Variants in CAMKMT observed in about 807,000 individuals in gnomAD.
CAMKMT encodes calmodulin-lysine N-methyltransferase, also known as CaM KMT.
CAMKMT carries 53 observed loss-of-function variants against 48.0 expected under a neutral mutation model. The ratio of observed to expected loss-of-function variants is 1.10; its 90% CI spans 0.89 to 1.39. CAMKMT has a LOEUF of 1.39. Ranked by LOEUF, CAMKMT falls within the 40% of genes most tolerant of loss-of-function variation. The pLI, the probability that CAMKMT is intolerant of heterozygous loss-of-function variation, is 0.00. For synonymous variants in CAMKMT, 165 were observed against 152.3 expected, an observed-to-expected ratio of 1.08 and a Z score of -0.61; for missense variants, 428 against 402.7, an observed-to-expected ratio of 1.06 and a Z score of -0.54.
At chr2:44,451,957 T>C (rs1388026475) in intron 3 of CAMKMT, among the ~76,000 whole-genome samples, 3 of 151,876 alleles carry the variant, frequency 2.0e-5, no homozygotes, top group Admixed American at 6.6e-5. Flanking sequence ...TTTACTTATC[T>C]AAGCATAACA....
intron 3 of CAMKMT, among the ~76,000 whole-genome samples, chr2:44,512,653 C>T (rs1442107961): frequency 6.6e-6 from 1 of 152,186 alleles, no homozygotes; most frequent in African/African-American, 2.4e-5. Context: ...TATTTCTTCT[C>T]TATTGGAAGG....
intron 3 of CAMKMT, among the ~76,000 whole-genome samples, chr2:44,482,934 A>G (rs1211000504): frequency 2.0e-5 from 3 of 152,152 alleles, no homozygotes; most frequent in African/African-American, 7.2e-5. Flanking sequence ...GGCATGTACA[A>G]TCAGGTTCTG....
intron 10 of CAMKMT, among the ~76,000 whole-genome samples, chr2:44,768,355 A>AT (rs1438888131): frequency 4.2e-5 from 4 of 94,920 alleles, no homozygotes; most frequent in Non-Finnish European, 6.2e-5. Flanking sequence ...ATATATATAT[A>AT]TATATATTTT....
At chr2:44,705,835 T>G (rs1051547540) in intron 4 of CAMKMT, among the ~76,000 whole-genome samples, 1 of 151,318 alleles carries the variant, frequency 6.6e-6, no homozygotes, top group Non-Finnish European at 1.5e-5. Context: ...TTTGTGTGTG[T>G]TGTTTGTATG....
intron 3 of CAMKMT, among the ~76,000 whole-genome samples, chr2:44,515,158 G>A (rs1670773230): frequency 6.6e-6 from 1 of 152,174 alleles, no homozygotes; most frequent in African/African-American, 2.4e-5. Flanking sequence ...TAGCTACAGA[G>A]ATTTTACCTA....
chr2:44,533,487 C>G (rs1197915089), intron 3 of CAMKMT, among the ~76,000 whole-genome samples: 3 of 152,178 alleles, frequency 2.0e-5, no homozygotes, highest in African/African-American at 4.8e-5. Context: ...GATCCATCTG[C>G]CTTGGCCTCC....
intron 3 of CAMKMT, among the ~76,000 whole-genome samples, chr2:44,605,142 A>C (rs1296495790): frequency 1.3e-5 from 2 of 152,114 alleles, no homozygotes; most frequent in East Asian, 3.8e-4. Context: ...TTATTTGTGT[A>C]ATAGGGAGAC....
chr2:44,565,009 C>G (rs563532547), intron 3 of CAMKMT, among the ~76,000 whole-genome samples: 2 of 152,350 alleles, frequency 1.3e-5, no homozygotes, highest in East Asian at 3.9e-4. Flanking sequence ...TGTTTCCTCA[C>G]TTGGTCTGCC....
chr2:44,502,655 T>C (rs1219003270), intron 3 of CAMKMT, among the ~76,000 whole-genome samples: 1 of 152,178 alleles, frequency 6.6e-6, no homozygotes, highest in African/African-American at 2.4e-5. Flanking sequence ...TAGGTAATAT[T>C]TCAAGGTGGT....
intron 3 of CAMKMT, among the ~76,000 whole-genome samples, chr2:44,492,688 A>G (rs17615001): frequency 0.14 from 20,902 of 152,042 alleles, 1,839 homozygotes; most frequent in East Asian, 0.36. Context: ...GGTGTCAATC[A>G]GTGGTAATGA....
intron 2 of CAMKMT, among the ~76,000 whole-genome samples, chr2:44,382,362 TTA>T (rs1398733257): frequency 1.3e-5 from 2 of 152,178 alleles, no homozygotes; most frequent in Non-Finnish European, 2.9e-5. Context: ...CAAAGAATCA[TTA>T]TGTTATTATG....
At chr2:44,549,785 C>T in intron 3 of CAMKMT, 3 of 430,244 alleles carry the variant, frequency 7.0e-6, no homozygotes, top group Non-Finnish European at 1.2e-5. Context: ...CTTAGACTTA[C>T]ATCCTAGAAC....
chr2:44,414,148 T>A (rs1419099411), intron 3 of CAMKMT, among the ~76,000 whole-genome samples: 1 of 152,220 alleles, frequency 6.6e-6, no homozygotes, highest in Non-Finnish European at 1.5e-5. Flanking sequence ...CCAGAGGTGA[T>A]TGCTTGTAGG....
chr2:44,369,529 A>G (rs1319661577), intron 1 of CAMKMT, among the ~76,000 whole-genome samples: 1 of 152,222 alleles, frequency 6.6e-6, no homozygotes, highest in Non-Finnish European at 1.5e-5. Flanking sequence ...AGTGAATCCC[A>G]GAACAACAGA....
chr2:44,547,325 G>A (rs1270739961), intron 3 of CAMKMT, among the ~76,000 whole-genome samples: 1 of 152,152 alleles, frequency 6.6e-6, no homozygotes, highest in African/African-American at 2.4e-5. Flanking sequence ...GATTGGTCAA[G>A]CTGGGAATTC....
At position 44,704,300 on chromosome 2, in the gene CAMKMT, G is replaced by A; in HGVS notation, c.394G>A (p.Glu132Lys). The A allele has an allele frequency of 6.2e-7, 1 of 1,610,718 alleles. No individual in the cohort carries two copies. The highest frequency in any genetic ancestry group is 8.5e-7 in the Non-Finnish European group (1 of 1,178,298). ...TTTTCTAGGCATCTGGCCATCTGAA[G>A]AGGTTTTGGCTTACTACTGCCTCAA... is the stretch of plus-strand genomic sequence containing the variant. ...TGNVCIWPSE[E>K]VLAYYCLKHN... The change falls in exon 4 of 11, where the codon GAG (glutamate) becomes AAG (lysine). Residue 132 changes from glutamate (E) to lysine (K), a missense_variant. Glu to Lys is a moderately conservative substitution (Grantham distance 56). Transcript: ENST00000378494.
At chr2:44,629,749 CACAA>C (rs1306422903) in intron 3 of CAMKMT, among the ~76,000 whole-genome samples, 1 of 152,106 alleles carries the variant, frequency 6.6e-6, no homozygotes, top group Non-Finnish European at 1.5e-5. Context: ...TAAAAGAGGA[CACAA>C]ACAAATGGAA....
intron 3 of CAMKMT, among the ~76,000 whole-genome samples, chr2:44,468,397 G>C (rs960208595): frequency 3.3e-5 from 5 of 152,300 alleles, no homozygotes; most frequent in South Asian, 4.1e-4. Flanking sequence ...ATACACTGCT[G>C]GTGGGAATGT....
chr2:44,593,962 T>C (rs936430827), intron 3 of CAMKMT, among the ~76,000 whole-genome samples: 1 of 151,958 alleles, frequency 6.6e-6, no homozygotes, highest in African/African-American at 2.4e-5. Flanking sequence ...GGGGTTTCTC[T>C]GTGTTGGTCA....
Sources: gnomAD v4.1 joint callset for allele counts (sites outside exome capture counted in the v4.1 genomes callset) on GRCh38, gnomAD v4.1.1 for gene constraint, MANE v1.5 for transcripts, NCBI Gene and HGNC (gene_info 2026-07-23, HGNC 2026-07-21) for gene names.